Variants in TRIM66 observed in about 807,000 individuals in gnomAD.
The protein encoded by TRIM66 is tripartite motif containing 66.
A neutral mutation model predicts 148.2 loss-of-function variants in TRIM66; 99 were observed. The ratio of observed to expected loss-of-function variants is 0.67; its 90% CI spans 0.57 to 0.79. The LOEUF is 0.79. Ranked by LOEUF, TRIM66 falls within the 30% of genes least tolerant of loss-of-function variation. The pLI, the probability that TRIM66 is intolerant of heterozygous loss-of-function variation, is 0.00. For synonymous variants in TRIM66, 616 were observed against 635.9 expected (o/e 0.97, Z 0.47); for missense variants, 1,666 against 1,697.9 (o/e 0.98, Z 0.33).
In TRIM66 at chr11:8,638,695, C is replaced by A. The variant is rs1437415005; in HGVS notation, c.2269G>T (p.Asp757Tyr). ...EETPLSVPPVDSTIQHSSPNV... is the reference protein window; with the variant it reads ...EETPLSVPPVYSTIQHSSPNV... Reference sequence around the variant, plus strand: ...GGAGAGGAGTGCTGGATGGTGCTGTCCACTGGGGGGACACTGAGAGGGGTT... The same window carrying A: ...GGAGAGGAGTGCTGGATGGTGCTGTACACTGGGGGGACACTGAGAGGGGTT... Residue 757 changes from aspartate to tyrosine, a missense_variant, in exon 15 of 25, where the codon GAC becomes TAC. By Grantham distance (160) the Asp-to-Tyr change is radical. Coordinates refer to ENST00000646038, the MANE Select transcript of TRIM66 (RefSeq NM_001388022.1). 6.5e-7 allele frequency: 1 copy of A among 1,549,660 alleles called. No individual in the cohort carries two copies.
chr11:8,675,826 A>C, intron 3 of TRIM66, among the ~76,000 whole-genome samples: 2 of 143,692 alleles, frequency 1.4e-5, no homozygotes, highest in African/African-American at 5.2e-5. Context: ...GCAACCTCCG[A>C]CTCCCTGGTT....
chr11:8,672,685 A>T (rs993793778), intron 4 of TRIM66, among the ~76,000 whole-genome samples: 1 of 150,294 alleles, frequency 6.7e-6, no homozygotes, highest in Non-Finnish European at 1.5e-5. Context: ...CAGTGGCACA[A>T]TCACAGCTCA....
chr11:8,666,731 T>A (rs1465495560), intron 6 of TRIM66, among the ~76,000 whole-genome samples: 2 of 152,186 alleles, frequency 1.3e-5, no homozygotes, highest in Admixed American at 6.5e-5. Flanking sequence ...GATGGCCAAA[T>A]ATACTGACAC....
chr11:8,672,545 G>A (rs1396744812), intron 4 of TRIM66, among the ~76,000 whole-genome samples, 160 bp from the exon 5 acceptor site: 2 of 151,826 alleles, frequency 1.3e-5, no homozygotes, highest in Non-Finnish European at 1.5e-5. Flanking sequence ...GCTGGGTCAC[G>A]CACAAAGACA....
chr11:8,662,897 A>G (rs1038743880), intron 6 of TRIM66, among the ~76,000 whole-genome samples: 50 of 152,304 alleles, frequency 3.3e-4, no homozygotes, highest in African/African-American at 1.2e-3. Flanking sequence ...AGTTTCAGGG[A>G]TGTTAGCTCC....
chr11:8,682,883 C>T (rs2039511659), upstream of TRIM66: 5 of 1,541,876 alleles, frequency 3.2e-6, no homozygotes, highest in Non-Finnish European at 3.5e-6. Context: ...TTCCCATTGC[C>T]CCTAGTCATC....
At chr11:8,683,012 C>T, upstream of TRIM66, 5 of 870,376 alleles carry the variant, frequency 5.7e-6, no homozygotes, top group Non-Finnish European at 7.1e-6. Flanking sequence ...GTTCGGATCT[C>T]TAGGACACGC....
chr11:8,633,621 G>A (rs946669398), intron 15 of TRIM66, among the ~76,000 whole-genome samples: 4 of 152,154 alleles, frequency 2.6e-5, no homozygotes, highest in Admixed American at 6.5e-5. Flanking sequence ...GCTTCAGCAG[G>A]CCCCGGGAAC....
intron 6 of TRIM66, among the ~76,000 whole-genome samples, chr11:8,660,986 A>G (rs1010182136): frequency 6.6e-6 from 1 of 152,246 alleles, no homozygotes; most frequent in African/African-American, 2.4e-5. Context: ...CTTGGAGGCC[A>G]TGCTAAGTGT....
In TRIM66 at chr11:8,648,056, G is replaced by A. The variant is rs1288607231; in HGVS notation, c.756C>T (p.Asn252=). 1 of 1,551,684 alleles carries A rather than the reference G, an allele frequency of 6.4e-7. No individual in the cohort carries two copies. Among genetic ancestry groups the A allele is most frequent in the South Asian group, 1.2e-5 (1 of 84,060 alleles). The change falls in exon 10 of 25, where the codon AAC becomes AAT. Residue 252 remains asparagine (N), a synonymous_variant. Transcript: ENST00000646038. ...RCRHVEEVLQ[N]QRMLLEGVTT... ...TCACACCTTCCAGAAGCATCCTCTG[G>A]TTTTGCAAAACTTCTTCAACATGTC...
At position 8,640,710 on chromosome 11, in the gene TRIM66, G is replaced by A. The variant is rs766490551; in HGVS notation, c.1665C>T (p.Pro555=). 7.1e-5 allele frequency: 110 copies of A among 1,551,510 alleles called. No homozygotes were observed. The highest frequency in any genetic ancestry group is 8.5e-5 in the Non-Finnish European group (97 of 1,146,992). ...QRLGQQLTSQ[P]VCIVPPQDVQ... ...CATCCTGTGGGGGGACAATGCACAC[G>A]GGCTGGGAAGTCAGCTGCTGCCCCA... The change falls in exon 14 of 25, where the codon CCC becomes CCT. Residue 555 remains proline, a synonymous_variant. Coordinates refer to ENST00000646038, the MANE Select transcript of TRIM66 (RefSeq NM_001388022.1).
chr11:8,656,330 C>A (rs554225645), intron 6 of TRIM66, among the ~76,000 whole-genome samples: 1 of 152,068 alleles, frequency 6.6e-6, no homozygotes, highest in Non-Finnish European at 1.5e-5. Context: ...AGATATCATG[C>A]TTTTTTCTAT....
At chr11:8,647,048 A>T (rs1424971923) in intron 10 of TRIM66, among the ~76,000 whole-genome samples, 1 of 147,512 alleles carries the variant, frequency 6.8e-6, no homozygotes. Flanking sequence ...ATATTATATA[A>T]TAAACAATAA....
intron 8 of TRIM66, 30 bp downstream of exon 8, chr11:8,649,710 G>C (rs1286401019): frequency 1.3e-6 from 2 of 1,549,400 alleles, no homozygotes; most frequent in Admixed American, 2.0e-5. Context: ...TTAGGGCATG[G>C]GAGTGGGCAG....
chr11:8,682,507 G>C, intron 1 of TRIM66, 94 bp downstream of exon 1: 1 of 489,032 alleles, frequency 2.0e-6, no homozygotes, highest in Non-Finnish European at 3.6e-6. Flanking sequence ...AAAAGGGCCT[G>C]GCTCAAGCAA....
At chr11:8,677,361 A>G (rs1392130957) in intron 3 of TRIM66, among the ~76,000 whole-genome samples, 1 of 152,224 alleles carries the variant, frequency 6.6e-6, no homozygotes, top group African/African-American at 2.4e-5. Flanking sequence ...GCATAGGAAC[A>G]TAGTACACAC....
intron 15 of TRIM66, among the ~76,000 whole-genome samples, chr11:8,637,458 G>C (rs1433620950): frequency 6.6e-6 from 1 of 151,918 alleles, no homozygotes. Flanking sequence ...GTACCTCAAG[G>C]GCCTCTATGC....
intron 6 of TRIM66, among the ~76,000 whole-genome samples, chr11:8,665,379 A>G (rs1272128081): frequency 6.6e-6 from 1 of 152,202 alleles, no homozygotes; most frequent in African/African-American, 2.4e-5. Context: ...TCAGTGGGCA[A>G]CTGATATCTG....
At chr11:8,661,938 C>T (rs1444773858) in intron 6 of TRIM66, among the ~76,000 whole-genome samples, 2 of 152,214 alleles carry the variant, frequency 1.3e-5, no homozygotes, top group Admixed American at 6.5e-5. Flanking sequence ...CAGCAAGCAC[C>T]TCCCCCAAAA....
Sources: gnomAD v4.1 joint callset for allele counts (sites outside exome capture counted in the v4.1 genomes callset) on GRCh38, gnomAD v4.1.1 for gene constraint, MANE v1.5 for transcripts, NCBI Gene and HGNC (gene_info 2026-07-23, HGNC 2026-07-21) for gene names.